PADI4: variants seen among roughly 807,000 people sequenced by gnomAD.
PADI4 encodes the protein peptidyl arginine deiminase 4.
PADI4 carries 62 observed loss-of-function variants against 75.0 expected under a neutral mutation model. The ratio of observed to expected loss-of-function variants is 0.83; its 90% CI spans 0.67 to 1.02. The LOEUF (loss-of-function observed/expected upper bound fraction) is 1.02, where lower values mean the gene tolerates loss of function less well. PADI4 is among the 50% of genes least tolerant of loss of function. The pLI is 0.00. For synonymous variants in PADI4, 361 were observed against 348.1 expected, an observed-to-expected ratio of 1.04 and a Z score of -0.41; for missense variants, 845 against 850.5, an observed-to-expected ratio of 0.99 and a Z score of 0.08.
At chr1:17,316,771 A>G (rs1033649892) in intron 1 of PADI4, among the ~76,000 whole-genome samples, 11 of 151,968 alleles carry the variant, frequency 7.2e-5, no homozygotes, top group Non-Finnish European at 1.3e-4. Flanking sequence ...CTGCCCAAAA[A>G]CAACCCCCCC....
chr1:17,358,881 A>T lies in PADI4; in HGVS notation c.1602A>T (p.Thr534=). 1.2e-6 allele frequency: 2 copies of T among 1,608,894 alleles called. No homozygotes were observed. The highest frequency in any genetic ancestry group is 2.2e-5 in the South Asian group (2 of 90,280). Residue 534 remains threonine, a synonymous_variant, in exon 14 of 16, where the codon ACA becomes ACT. Coordinates refer to ENST00000375448, the MANE Select transcript of PADI4 (RefSeq NM_012387.3). ...QKIKNILSNK[T]LREHNSFVER... is the part of the protein sequence containing the mutation. ...TAAAGAACATTCTGTCAAACAAGAC[A>T]TTGAGAGAACATAATTCATTTGTGG...
At position 17,356,946 on chromosome 1, in the gene PADI4, A is replaced by G. The variant is rs369819843; in HGVS notation, c.1558+487A>G. Among the ~76,000 whole-genome samples, 19 of 152,306 alleles carry G rather than the reference A, an allele frequency of 1.2e-4. 1 individual carries two copies. The South Asian group carries it at 3.3e-3, about 27-fold the overall frequency. On this transcript the variant is annotated intron_variant, in intron 13 of 15. Coordinates refer to ENST00000375448, the MANE Select transcript of PADI4 (RefSeq NM_012387.3). This position sits in a 1 kb window ranked among gnomAD's most constrained non-coding sequence, Gnocchi z 4.1. ...TACTCTCTCAGCAGAGCTCACAGACATGGGCCAGGCCCCGGGCTGAGATGC... is the reference window on the plus strand; with the variant it reads ...TACTCTCTCAGCAGAGCTCACAGACGTGGGCCAGGCCCCGGGCTGAGATGC...
intron 6 of PADI4, among the ~76,000 whole-genome samples, chr1:17,340,239 C>A (rs981851323): frequency 2.0e-5 from 3 of 152,184 alleles, no homozygotes; most frequent in African/African-American, 7.2e-5. Flanking sequence ...GGGCACAGAG[C>A]CATGACTGTG....
chr1:17,335,096 C>T (rs2074286921), intron 3 of PADI4, among the ~76,000 whole-genome samples: 1 of 152,122 alleles, frequency 6.6e-6, no homozygotes, highest in Non-Finnish European at 1.5e-5. Flanking sequence ...GATTGTGCCA[C>T]TGCACTCCAG....
intron 10 of PADI4, among the ~76,000 whole-genome samples, chr1:17,350,455 T>C (rs957584446): frequency 7.6e-6 from 1 of 130,944 alleles, no homozygotes; most frequent in African/African-American, 2.5e-5. Flanking sequence ...AGGATGTGTT[T>C]GCATCACTGA....
intron 1 of PADI4, among the ~76,000 whole-genome samples, chr1:17,308,955 G>T (rs979064622): frequency 1.3e-5 from 2 of 152,040 alleles, no homozygotes; most frequent in Non-Finnish European, 2.9e-5. Flanking sequence ...TTAGCACAGT[G>T]GTGGGCCCAT....
intron 1 of PADI4, among the ~76,000 whole-genome samples, chr1:17,311,096 CAA>C (rs34285885): frequency 9.2e-4 from 95 of 103,568 alleles, no homozygotes; most frequent in African/African-American, 2.7e-3. Flanking sequence ...GTCTCCGTCT[CAA>C]AAAAAAAAAA....
Position 17,308,227 on chromosome 1 carries a change from C to G in PADI4, c.5C>G (p.Ala2Gly). ...GAGGGACGAGCTAGCCCGACGATGG[C>G]CCAGGGGACATTGATCCGTGTGACC... M[A>G]QGTLIRVTPE... The change falls in exon 1 of 16, where the codon GCC becomes GGC. Residue 2 changes from alanine (A) to glycine (G), a missense_variant. Coordinates refer to ENST00000375448, the MANE Select transcript of PADI4 (RefSeq NM_012387.3). 6.2e-7 allele frequency: 1 copy of G among 1,613,912 alleles called. No individual in the cohort carries two copies. The highest frequency in any genetic ancestry group is 1.7e-4 in the Middle Eastern group (1 of 6,060).
chr1:17,327,635 G>A lies in PADI4; in HGVS notation c.93-3334G>A, dbSNP rs138348502. ...CAGGTTACTGCAACCTCTGCCTCTC[G>A]GGTTCAAGCAATTCTCCTGCCTCAG... is the stretch of plus-strand genomic sequence containing the variant. On this transcript the variant is annotated intron_variant, in intron 1 of 15. Transcript: ENST00000375448. Among the ~76,000 whole-genome samples the A allele has an allele frequency of 3.1e-3, 470 of 151,596 alleles. 3 individuals are homozygous for A. The highest frequency in any genetic ancestry group is 0.011 in the African/African-American group (447 of 41,344).
chr1:17,345,828 G>T (rs556384829), intron 8 of PADI4, among the ~76,000 whole-genome samples, 200 bp from the exon 9 acceptor site: 1 of 152,102 alleles, frequency 6.6e-6, no homozygotes, highest in East Asian at 1.9e-4. Context: ...GGTGGAAGGG[G>T]TACCCACTAG....
intron 1 of PADI4, among the ~76,000 whole-genome samples, chr1:17,316,838 A>C (rs2073949784): frequency 6.6e-6 from 1 of 150,912 alleles, no homozygotes; most frequent in African/African-American, 2.4e-5. Context: ...TCAGCCGGGC[A>C]TTCAGTAGAA....
At chr1:17,339,451 C>T (rs1327692166) in intron 5 of PADI4, among the ~76,000 whole-genome samples, 1 of 152,216 alleles carries the variant, frequency 6.6e-6, no homozygotes, top group Admixed American at 6.5e-5. Flanking sequence ...GCTGAGGTTA[C>T]ATCCCCAGCT....
chr1:17,317,364 G>C (rs1349452549), intron 1 of PADI4, among the ~76,000 whole-genome samples: 1 of 152,076 alleles, frequency 6.6e-6, no homozygotes, highest in South Asian at 2.1e-4. Flanking sequence ...CACCTCCCAG[G>C]TTCAAGCAAT....
intron 9 of PADI4, 86 bp from the exon 10 acceptor site, chr1:17,347,855 T>C (rs986103238): frequency 7.7e-6 from 5 of 651,518 alleles, no homozygotes; most frequent in Non-Finnish European, 1.4e-5. Flanking sequence ...TGAGAGTGAG[T>C]GGATGGTTTC....
At chr1:17,354,413 C>T in intron 10 of PADI4, 120 bp from the exon 11 acceptor site, 1 of 812,528 alleles carries the variant, frequency 1.2e-6, no homozygotes, top group South Asian at 1.5e-5. Context: ...TGCTATGTGC[C>T]AGCTGTAGAC....
intron 1 of PADI4, among the ~76,000 whole-genome samples, chr1:17,309,114 A>C (rs1557532156): frequency 6.7e-6 from 1 of 149,596 alleles, no homozygotes; most frequent in Non-Finnish European, 1.5e-5. Context: ...AAGAAATTTT[A>C]AAACGTGTAA....
chr1:17,356,420 G>A lies in PADI4; in HGVS notation c.1519G>A (p.Glu507Lys), dbSNP rs949527627. Residue 507 changes from glutamate (E) to lysine (K), a missense_variant, in exon 13 of 16, where the codon GAG becomes AAG. Coordinates refer to ENST00000375448, the MANE Select transcript of PADI4 (RefSeq NM_012387.3). The surrounding 1 kb of genome is among the most constrained non-coding windows in gnomAD (Gnocchi z 4.1). Reference protein sequence around the residue: ...CYKLFQEQQNEGHGEALLFEG... With the variant: ...CYKLFQEQQNKGHGEALLFEG... ...CAAACTGTTCCAGGAGCAGCAGAAT[G>A]AGGGCCACGGGGAGGCCCTGCTGTT... The A allele has an allele frequency of 2.5e-6, 4 of 1,613,488 alleles. No homozygotes were observed. The African/African-American group carries it at 5.3e-5, about 22-fold the overall frequency.
Position 17,356,787 on chromosome 1 carries a change from G to A in PADI4, c.1558+328G>A, listed in dbSNP as rs558967496. Among the ~76,000 whole-genome samples the A allele has an allele frequency of 3.9e-5, 6 of 151,918 alleles. No homozygotes were observed. The South Asian group carries it at 1.0e-3, about 27-fold the overall frequency. On this transcript the variant is annotated intron_variant, in intron 13 of 15. Coordinates refer to ENST00000375448, the MANE Select transcript of PADI4 (RefSeq NM_012387.3). This position sits in a 1 kb window ranked among gnomAD's most constrained non-coding sequence, Gnocchi z 4.1. ...GCAAGTAGGGGTTGGCTGGGCAAAC[G>A]GGGCAGGGAAATGAGAGGAAGAGAG...
At position 17,363,731 on chromosome 1, in the gene PADI4, C is replaced by A; in HGVS notation, c.1968C>A (p.Phe656Leu). The change falls in exon 16 of 16, where the codon TTC becomes TTA. Residue 656 changes from phenylalanine to leucine, a missense_variant. By Grantham distance (22) the Phe-to-Leu change is conservative. Transcript: ENST00000375448. ...ACGTGCGCAGAAAGCCCTTCTCCTT[C>A]AAGTGGTGGAACATGGTGCCCTGAG... Reference protein sequence around the residue: ...GTNVRRKPFSFKWWNMVP With the variant: ...GTNVRRKPFSLKWWNMVP 1 of 1,613,564 alleles carries A rather than the reference C, an allele frequency of 6.2e-7. No homozygotes were observed. The highest frequency in any genetic ancestry group is 8.5e-7 in the Non-Finnish European group (1 of 1,179,438).
Sources: gnomAD v4.1 joint callset for allele counts (sites outside exome capture counted in the v4.1 genomes callset) on GRCh38, gnomAD v4.1.1 for gene constraint, Gnocchi (gnomAD v3.1) non-coding constraint, MANE v1.5 for transcripts, NCBI Gene and HGNC (gene_info 2026-07-23, HGNC 2026-07-21) for gene names.